Variants in DNTT observed in about 807,000 individuals in gnomAD.
DNTT encodes DNA nucleotidylexotransferase.
DNTT carries 47 observed loss-of-function variants against 60.9 expected under a neutral mutation model. The observed-to-expected ratio is 0.77, with a 90% CI of 0.61 to 0.98. The LOEUF (loss-of-function observed/expected upper bound fraction) is 0.98, where lower values mean the gene tolerates loss of function less well. Among genes scored for constraint, DNTT ranks in the 50% least tolerant of loss-of-function variants. The pLI is 0.00. For missense variants in DNTT, 665 were observed against 627.5 expected (o/e 1.06, Z -0.64); for synonymous variants, 224 against 221.2 (o/e 1.01, Z -0.11).
chr10:96,307,297 G>C (rs1484308395), intron 1 of DNTT, among the ~76,000 whole-genome samples: 5 of 151,042 alleles, frequency 3.3e-5, no homozygotes, highest in African/African-American at 1.2e-4. Context: ...GGGAGTGGGG[G>C]TTGGTAGGGA....
chr10:96,318,243 AGC>A (rs1386885547), intron 1 of DNTT, 107 bp from the exon 2 acceptor site: 2 of 1,319,670 alleles, frequency 1.5e-6, no homozygotes, highest in Non-Finnish European at 2.1e-6. Context: ...GGTTAGGTCT[AGC>A]ATGTGTCTTT....
Position 96,307,343 on chromosome 10 carries a change from G to GTTGTTTTTTTTTT in DNTT, c.203+2645_203+2646insGTTTTTTTTTTTT, listed in dbSNP as rs1844650391. On this transcript the variant is annotated intron_variant, in intron 1 of 10. Coordinates refer to ENST00000371174, the MANE Select transcript of DNTT (RefSeq NM_004088.4). The stretch of plus-strand genomic sequence containing the variant: ...CTGTTTTTATTTTCTGGGTTTTCCA[G>GTTGTTTTTTTTTT]TTTTTTTTTTTTTTTTTTTTTTTTT... 6.1e-4 allele frequency among the ~76,000 whole-genome samples: 41 copies of GTTGTTTTTTTTTT among 67,592 alleles called. 1 individual carries two copies. The highest frequency in any genetic ancestry group is 2.5e-3 in the African/African-American group (39 of 15,548). 44.3% of individuals were successfully genotyped at this position (67,592 alleles called of 152,430 possible). A position where few individuals can be genotyped will look rare whatever the true frequency, so the allele number is the denominator to read the frequency against.
intron 1 of DNTT, among the ~76,000 whole-genome samples, chr10:96,317,325 C>T (rs1335937431): frequency 6.6e-6 from 1 of 152,270 alleles, no homozygotes; most frequent in East Asian, 1.9e-4. Context: ...TATTGAGGAG[C>T]TAAATGAGAT....
Position 96,307,858 on chromosome 10 carries a change from G to A in DNTT, c.203+3158G>A, listed in dbSNP as rs150364501. Among the ~76,000 whole-genome samples, 1,007 of 147,760 alleles carry A rather than the reference G, an allele frequency of 6.8e-3. 8 individuals carry two copies. The highest frequency in any genetic ancestry group is 0.023 in the African/African-American group (915 of 39,922). ...GCCATCTCGGCTCACTGCAACCTCC[G>A]TCTCCCAGACTCAACGGATCCTCTC... On this transcript the variant is annotated intron_variant, in intron 1 of 10. Coordinates refer to ENST00000371174, the MANE Select transcript of DNTT (RefSeq NM_004088.4).
intron 9 of DNTT, among the ~76,000 whole-genome samples, chr10:96,334,213 G>A (rs1845041235): frequency 6.6e-6 from 1 of 152,180 alleles, no homozygotes; most frequent in Admixed American, 6.5e-5. Context: ...ACTGTTGGGT[G>A]ATCTTGGACA....
chr10:96,312,042 T>C (rs1844726686), intron 1 of DNTT, among the ~76,000 whole-genome samples: 1 of 152,228 alleles, frequency 6.6e-6, no homozygotes, highest in Non-Finnish European at 1.5e-5. Context: ...CTGAGATGCA[T>C]AATTTAAAAT....
intron 5 of DNTT, among the ~76,000 whole-genome samples, chr10:96,323,541 C>T (rs1365900232): frequency 6.6e-6 from 1 of 151,910 alleles, no homozygotes; most frequent in African/African-American, 2.4e-5. Context: ...GTCTGTCACT[C>T]ATGGGTACAA....
At chr10:96,338,065 C>A in intron 10 of DNTT, 73 bp from the exon 11 acceptor site, 1 of 1,310,146 alleles carries the variant, frequency 7.6e-7, no homozygotes, top group East Asian at 2.4e-5. Context: ...TTATAAGTAA[C>A]ACTTTCACTG....
At chr10:96,308,462 A>G (rs956386164) in intron 1 of DNTT, among the ~76,000 whole-genome samples, 2 of 152,184 alleles carry the variant, frequency 1.3e-5, no homozygotes, top group Non-Finnish European at 2.9e-5. Context: ...GCAATTTGCC[A>G]CCCGGGTCAA....
intron 10 of DNTT, among the ~76,000 whole-genome samples, chr10:96,336,244 G>A (rs1027173509): frequency 2.0e-5 from 3 of 152,212 alleles, no homozygotes; most frequent in African/African-American, 7.2e-5. Flanking sequence ...CATTAACTGG[G>A]TTTGGTATAT....
chr10:96,315,234 C>CT (rs11298506), intron 1 of DNTT, among the ~76,000 whole-genome samples: 2 of 147,360 alleles, frequency 1.4e-5, no homozygotes, highest in Admixed American at 6.7e-5. Context: ...ACCAATGCTT[C>CT]TTTTTTTTTT....
chr10:96,308,678 GTC>G (rs773559614), intron 1 of DNTT, among the ~76,000 whole-genome samples: 13 of 152,252 alleles, frequency 8.5e-5, no homozygotes, highest in Non-Finnish European at 1.9e-4. Flanking sequence ...AGCGAGCTGA[GTC>G]TGAAAAGAGA....
At chr10:96,314,402 C>CCTTTTTTTTTTT (rs1564870103) in intron 1 of DNTT, among the ~76,000 whole-genome samples, 2 of 53,230 alleles carry the variant, frequency 3.8e-5, no homozygotes, top group Non-Finnish European at 7.9e-5. Context: ...TATCTCTTCC[C>CCTTTTTTTTTTT]TTTTTTTTTT....
At chr10:96,323,217 T>C (rs1310025544) in intron 5 of DNTT, among the ~76,000 whole-genome samples, 1 of 152,128 alleles carries the variant, frequency 6.6e-6, no homozygotes, top group Non-Finnish European at 1.5e-5. Flanking sequence ...GAGAATCACT[T>C]GAGTCTGGGA....
chr10:96,336,953 A>AAG (rs1845080717), intron 10 of DNTT, among the ~76,000 whole-genome samples: 1 of 151,502 alleles, frequency 6.6e-6, no homozygotes, highest in South Asian at 2.1e-4. Context: ...AAAAAAAAAA[A>AAG]AAAAAGTAAT....
intron 1 of DNTT, among the ~76,000 whole-genome samples, chr10:96,309,847 C>G (rs113889634): frequency 0.014 from 2,103 of 152,346 alleles, 22 homozygotes; most frequent in Non-Finnish European, 0.021. Context: ...CAACAGGGAG[C>G]TGGCCCGTGA....
intron 2 of DNTT, among the ~76,000 whole-genome samples, 196 bp downstream of exon 2, chr10:96,318,722 G>T (rs1233094471): frequency 6.6e-6 from 1 of 152,136 alleles, no homozygotes; most frequent in Admixed American, 6.6e-5. Context: ...CTCACAAAAT[G>T]GTCATGAAGA....
intron 6 of DNTT, 120 bp downstream of exon 6, chr10:96,324,509 T>C (rs1844918452): frequency 7.0e-7 from 1 of 1,429,636 alleles, no homozygotes. Flanking sequence ...TGATGTCCAT[T>C]GATGCTTGGA....
chr10:96,336,783 A>C (rs1396093917), intron 10 of DNTT, among the ~76,000 whole-genome samples: 1 of 151,920 alleles, frequency 6.6e-6, no homozygotes, highest in African/African-American at 2.4e-5. Context: ...CTCTACTAAA[A>C]ATACAAAAAA....
Sources: gnomAD v4.1 joint callset for allele counts (sites outside exome capture counted in the v4.1 genomes callset) on GRCh38, gnomAD v4.1.1 for gene constraint, MANE v1.5 for transcripts, NCBI Gene and HGNC (gene_info 2026-07-23, HGNC 2026-07-21) for gene names.